The following ABI2 variants were observed in gnomAD, a reference collection of about 807,000 sequenced individuals.
ABI2 encodes abelson interactor 2.
Under a neutral mutation model 59.2 loss-of-function variants are expected in ABI2, and 25 were observed. That is an observed-to-expected ratio of 0.42 (90% CI 0.31 to 0.59). The LOEUF (loss-of-function observed/expected upper bound fraction) is 0.59. Ranked by LOEUF, ABI2 falls within the 20% of genes least tolerant of loss-of-function variation. The pLI, the probability that ABI2 is intolerant of heterozygous loss-of-function variation, is 0.14. For synonymous variants in ABI2, 213 were observed against 235.5 expected, an observed-to-expected ratio of 0.90 and a Z score of 0.87; for missense variants, 545 against 681.8, an observed-to-expected ratio of 0.80 and a Z score of 2.23.
intron 10 of ABI2, among the ~76,000 whole-genome samples, chr2:203,412,595 AG>A (rs762647751): frequency 7.4e-4 from 105 of 142,226 alleles, no homozygotes; most frequent in Non-Finnish European, 1.3e-3. Context: ...TGAGTTTAAG[AG>A]CTATTTTCAC....
intron 2 of ABI2, 49 bp from the exon 3 acceptor site, chr2:203,380,159 A>T: frequency 3.4e-6 from 4 of 1,192,868 alleles, no homozygotes; most frequent in Non-Finnish European, 4.6e-6. Flanking sequence ...ATTTTTGTGG[A>T]TATTAGAACT....
rs902144460 is a variant in ABI2 at position 203,416,918 on chromosome 2, A to G, written c.1290A>G (p.Thr430=). The G allele has an allele frequency of 6.2e-7, 1 of 1,609,154 alleles. No individual in the cohort carries two copies. The highest frequency in any genetic ancestry group is 8.5e-7 in the Non-Finnish European group (1 of 1,176,724). The change falls in exon 11 of 12, where the codon ACA becomes ACG. Residue 430 remains threonine, a synonymous_variant. Coordinates refer to ENST00000261018, the MANE Select transcript of ABI2 (RefSeq NM_001375670.1). ...CTGATACGTTCTTAGTTTCAGATAC[A>G]CCACCTCCACCGCCACCTGTGGAAG... ...VARVQENISD[T]PPPPPPVEEP...
chr2:203,331,603 C>T (rs1575466275), intron 1 of ABI2, among the ~76,000 whole-genome samples: 1 of 152,010 alleles, frequency 6.6e-6, no homozygotes, highest in African/African-American at 2.4e-5. Flanking sequence ...AGATGATCGA[C>T]CTGCCTTGGC....
chr2:203,388,457 TGGATCACCTGAGGTCA>T (rs1046907696), intron 4 of ABI2, among the ~76,000 whole-genome samples: 3 of 151,954 alleles, frequency 2.0e-5, no homozygotes, highest in African/African-American at 7.3e-5. Context: ...CCAAGGTGGG[TGGATCACCTGAGGTCA>T]GGAGTTCGAG....
intron 11 of ABI2, among the ~76,000 whole-genome samples, chr2:203,423,616 G>A (rs1314009225): frequency 1.3e-5 from 2 of 152,110 alleles, no homozygotes; most frequent in Non-Finnish European, 2.9e-5. Context: ...GTAGAGGCGG[G>A]GTTTCACCAT....
intron 4 of ABI2, among the ~76,000 whole-genome samples, chr2:203,384,360 G>A (rs995614322): frequency 6.3e-5 from 9 of 143,316 alleles, no homozygotes; most frequent in African/African-American, 1.1e-4. Flanking sequence ...AGGCTGGAGT[G>A]CACTGGTGTG....
In ABI2 at chr2:203,385,139, C is replaced by CTTTT. The variant is rs10527327; in HGVS notation, c.480+2943_480+2946dup. 2.0e-4 allele frequency among the ~76,000 whole-genome samples: 14 copies of CTTTT among 69,970 alleles called. 2 individuals are homozygous for CTTTT. The highest frequency in any genetic ancestry group is 7.7e-4 in the Admixed American group (4 of 5,222). 45.9% of individuals were successfully genotyped at this position (69,970 alleles called of 152,430 possible). A position where few individuals can be genotyped will look rare whatever the true frequency, so the allele number is the denominator to read the frequency against. ...TGAGCCACCGCACCCGGCTCAGATT[C>CTTTT]TTTTTTTTTTTTTGAGACAGTCTTG... On this transcript the variant is annotated intron_variant, in intron 4 of 11. Transcript: ENST00000261018.
intron 1 of ABI2, among the ~76,000 whole-genome samples, chr2:203,350,963 C>T (rs928583818): frequency 2.6e-5 from 4 of 151,858 alleles, no homozygotes; most frequent in African/African-American, 9.7e-5. Flanking sequence ...AAGATTTTCT[C>T]CTAGGAGTTT....
intron 1 of ABI2, among the ~76,000 whole-genome samples, chr2:203,346,741 A>G (rs1431640247): frequency 1.3e-5 from 2 of 152,234 alleles, no homozygotes; most frequent in Non-Finnish European, 2.9e-5. Context: ...TGAATTAACT[A>G]CTTTGAGAGA....
intron 1 of ABI2, among the ~76,000 whole-genome samples, chr2:203,347,530 G>T (rs1326670686): frequency 6.6e-6 from 1 of 152,204 alleles, no homozygotes; most frequent in Non-Finnish European, 1.5e-5. Flanking sequence ...GGAAACTCAT[G>T]GTTCAATTTG....
intron 1 of ABI2, among the ~76,000 whole-genome samples, chr2:203,345,159 C>T (rs753851806): frequency 6.6e-5 from 10 of 152,190 alleles, no homozygotes; most frequent in Non-Finnish European, 1.2e-4. Context: ...TGAGTTGTAA[C>T]ACTCACATTG....
intron 11 of ABI2, 71 bp from the exon 12 acceptor site, chr2:203,427,106 C>T (rs758723292): frequency 2.2e-6 from 3 of 1,369,596 alleles, no homozygotes; most frequent in Non-Finnish European, 3.1e-6. Flanking sequence ...GATAGCTATT[C>T]ACTGGCTTGG....
chr2:203,329,341 A>ATTTTTTT (rs11376266), intron 1 of ABI2: 1 of 100,696 alleles, frequency 9.9e-6, no homozygotes, highest in Non-Finnish European at 1.9e-5. Context: ...TCCTGGTTTA[A>ATTTTTTT]TTTTTTTTTT....
chr2:203,346,140 A>T (rs1680037727), intron 1 of ABI2, among the ~76,000 whole-genome samples: 1 of 151,250 alleles, frequency 6.6e-6, no homozygotes, highest in Non-Finnish European at 1.5e-5. Context: ...CAAGAGTGAA[A>T]CTCCATCTCA....
At chr2:203,385,136 A>ATTTTTTTTTTTTTTTTTTTTTTTTT (rs1231169110) in intron 4 of ABI2, among the ~76,000 whole-genome samples, 1 of 26,218 alleles carries the variant, frequency 3.8e-5, no homozygotes, top group Non-Finnish European at 1.1e-4. Context: ...CCCGGCTCAG[A>ATTTTTTTTTTTTTTTTTTTTTTTTT]TTCTTTTTTT....
chr2:203,420,081 A>G (rs2098131110), intron 11 of ABI2, among the ~76,000 whole-genome samples: 1 of 152,224 alleles, frequency 6.6e-6, no homozygotes, highest in South Asian at 2.1e-4. Flanking sequence ...TATGTACTGT[A>G]AACTATTAAT....
In ABI2 at chr2:203,425,741, C is replaced by T. The variant is rs573904315; in HGVS notation, c.1454-1436C>T. Among the ~76,000 whole-genome samples the T allele has an allele frequency of 3.9e-5, 6 of 152,234 alleles. No homozygotes were observed. The South Asian group carries it at 1.2e-3, about 32-fold the overall frequency. On this transcript the variant is annotated intron_variant, in intron 11 of 11. Coordinates refer to ENST00000261018, the MANE Select transcript of ABI2 (RefSeq NM_001375670.1). The stretch of plus-strand genomic sequence containing the variant: ...AAGGATCTTCTAAAGTATTTTCTGA[C>T]CAGGTGCAGGTGGCTCATGCCTGTA...
intron 10 of ABI2, among the ~76,000 whole-genome samples, chr2:203,415,655 C>G (rs928198730): frequency 1.2e-4 from 17 of 142,344 alleles, no homozygotes; most frequent in African/African-American, 4.4e-4. Context: ...CCATTTAATT[C>G]AATTCGTAGG....
At chr2:203,367,150 C>A in intron 2 of ABI2, 106 bp downstream of exon 2, 1 of 1,344,896 alleles carries the variant, frequency 7.4e-7, no homozygotes, top group Non-Finnish European at 9.6e-7. Context: ...CTCACATGTA[C>A]GATTTGGAAA....
Sources: gnomAD v4.1 joint callset for allele counts (sites outside exome capture counted in the v4.1 genomes callset) on GRCh38, gnomAD v4.1.1 for gene constraint, MANE v1.5 for transcripts, NCBI Gene and HGNC (gene_info 2026-07-23, HGNC 2026-07-21) for gene names.